Variants in SLC35A3 observed in about 807,000 individuals in gnomAD.
SLC35A3 encodes UDP-N-acetylglucosamine transporter.
A neutral mutation model predicts 39.0 loss-of-function variants in SLC35A3; 26 were observed. That is an observed-to-expected ratio of 0.67 (90% CI 0.49 to 0.92). The LOEUF (loss-of-function observed/expected upper bound fraction) is 0.92, where lower values mean the gene tolerates loss of function less well. Ranked by LOEUF, SLC35A3 falls within the 40% of genes least tolerant of loss-of-function variation. SLC35A3 has a pLI of 0.00. For missense variants in SLC35A3, 299 were observed against 371.6 expected (o/e 0.80, Z 1.61); for synonymous variants, 135 against 133.1 (o/e 1.01, Z -0.10).
chr1:99,993,441 G>A (rs1474960862), intron 1 of SLC35A3, 96 bp from the exon 2 acceptor site: 1 of 932,860 alleles, frequency 1.1e-6, no homozygotes, highest in Non-Finnish European at 1.6e-6. Context: ...GGAGAGACCT[G>A]CAGGCCCTCT....
At chr1:99,979,921 A>G (rs140461009) in intron 1 of SLC35A3, among the ~76,000 whole-genome samples, 1,551 of 151,806 alleles carry the variant, frequency 0.01, 32 homozygotes, top group African/African-American at 0.036. Context: ...GTGCAAGCCT[A>G]TAATCCCAGC....
In SLC35A3 at chr1:99,984,699, A is replaced by G. The variant is rs547589893; in HGVS notation, c.-18-8838A>G. On this transcript the variant is annotated intron_variant, in intron 1 of 7. Transcript: ENST00000533028. ...AGTTATACTAGTTTACATTCCAGCC[A>G]GCAGTGTAAAAGTGTTCCCTTTTCA... Among the ~76,000 whole-genome samples, 107 of 152,380 alleles carry G rather than the reference A, an allele frequency of 7.0e-4. 1 individual carries two copies. In the South Asian group the frequency reaches 8.3e-3, roughly 12 times the overall value.
In SLC35A3 at chr1:100,029,860, T is replaced by A. The variant is rs75846088; in HGVS notation, c.*7384T>A. ...ATTGTGTTAAGAACATATATATATA[T>A]ATAGAGAGAGAGAGAGCATAGTATT... On this transcript the variant is annotated 3_prime_UTR_variant, in exon 8 of 8. Coordinates refer to ENST00000533028, the MANE Select transcript of SLC35A3 (RefSeq NM_012243.3). 3.9e-5 allele frequency: 6 copies of A among 151,920 alleles called. No individual in the cohort carries two copies. The highest frequency in any genetic ancestry group is 7.4e-5 in the Non-Finnish European group (5 of 67,972). The allele number at this position is 151,920 out of a possible 1,614,324, so 9.4% of individuals were successfully genotyped here.
At chr1:99,987,213 G>A (rs756924377) in intron 1 of SLC35A3, among the ~76,000 whole-genome samples, 14 of 152,212 alleles carry the variant, frequency 9.2e-5, no homozygotes, top group South Asian at 2.1e-4. Flanking sequence ...CACTATTTTC[G>A]TCATTTTAAA....
rs935365167 is a variant in SLC35A3, at chr1:100,025,420, C to T, written c.*2944C>T. The T allele has an allele frequency of 5.3e-5, 8 of 151,918 alleles. No homozygotes were observed. The highest frequency in any genetic ancestry group is 1.9e-4 in the East Asian group (1 of 5,172). 9.4% of individuals were successfully genotyped at this position (151,918 alleles called of 1,614,324 possible). On this transcript the variant is annotated 3_prime_UTR_variant, in exon 8 of 8. Coordinates refer to ENST00000533028, the MANE Select transcript of SLC35A3 (RefSeq NM_012243.3). ...ACAATGGTAACACATTTTTAGGTGTCGAAACACAATTTTCAAAATTCCTAA... is the reference window on the plus strand; with the variant it reads ...ACAATGGTAACACATTTTTAGGTGTTGAAACACAATTTTCAAAATTCCTAA...
chr1:100,033,579 G>C lies in SLC35A3; in HGVS notation c.*11103G>C, dbSNP rs1159431165. On this transcript the variant is annotated 3_prime_UTR_variant, in exon 8 of 8. Coordinates refer to ENST00000533028, the MANE Select transcript of SLC35A3 (RefSeq NM_012243.3). ...TTTGGATGTTTAGAAAGGTTTGTATGCTCTAATTTATACTGATAACATTTT... is the reference window on the plus strand; with the variant it reads ...TTTGGATGTTTAGAAAGGTTTGTATCCTCTAATTTATACTGATAACATTTT... 3 of 151,924 alleles carry C rather than the reference G, an allele frequency of 2.0e-5. No individual in the cohort carries two copies. Among genetic ancestry groups the C allele is most frequent in the Non-Finnish European group, 4.4e-5 (3 of 68,016 alleles). The allele number at this position is 151,924 out of a possible 1,614,324, so 9.4% of individuals were successfully genotyped here. A position where few individuals can be genotyped will look rare whatever the true frequency, so the allele number is the denominator to read the frequency against.
intron 3 of SLC35A3, chr1:100,000,887 A>G (rs1157943928): frequency 6.6e-6 from 1 of 151,016 alleles, no homozygotes; most frequent in Non-Finnish European, 1.5e-5. Context: ...TTTTTTTTAT[A>G]TGGTGAGAGA....
In SLC35A3 at chr1:100,024,082, T is replaced by G. The variant is rs1660730506; in HGVS notation, c.*1606T>G. The G allele has an allele frequency of 6.6e-6, 1 of 152,118 alleles. No homozygotes were observed. The highest frequency in any genetic ancestry group is 1.5e-5 in the Non-Finnish European group (1 of 68,016). The allele number at this position is 152,118 out of a possible 1,614,324, so 9.4% of individuals were successfully genotyped here. ...TAAAATAGTGGGTTTTTTTCCTTTT[T>G]AATGAACACTGGAGCTGAGGATGCA... is the stretch of plus-strand genomic sequence containing the variant. On this transcript the variant is annotated 3_prime_UTR_variant, in exon 8 of 8. Transcript: ENST00000533028.
At chr1:99,971,952 CAAT>C (rs1656838362) in intron 1 of SLC35A3, among the ~76,000 whole-genome samples, 2 of 151,948 alleles carry the variant, frequency 1.3e-5, no homozygotes, top group Admixed American at 1.3e-4. Flanking sequence ...GGCTGGAGTT[CAAT>C]GTTGCGATCT....
intron 3 of SLC35A3, among the ~76,000 whole-genome samples, chr1:100,001,823 T>C (rs1473971196): frequency 2.6e-5 from 4 of 152,192 alleles, no homozygotes; most frequent in African/African-American, 9.6e-5. Flanking sequence ...ATTTTAAATT[T>C]TATCAAATGC....
chr1:99,976,495 T>C (rs1194128602), intron 1 of SLC35A3, among the ~76,000 whole-genome samples: 1 of 152,236 alleles, frequency 6.6e-6, no homozygotes, highest in Non-Finnish European at 1.5e-5. Context: ...TAAATTGTTC[T>C]GTAAAGGCAC....
chr1:99,978,576 T>C (rs1412848027), intron 1 of SLC35A3, among the ~76,000 whole-genome samples: 1 of 152,014 alleles, frequency 6.6e-6, no homozygotes, highest in African/African-American at 2.4e-5. Flanking sequence ...ATAAAACAAA[T>C]TGATGTTTTC....
At chr1:100,021,168 G>A (rs576193078) in intron 7 of SLC35A3, among the ~76,000 whole-genome samples, 1 of 152,046 alleles carries the variant, frequency 6.6e-6, no homozygotes, top group East Asian at 1.9e-4. Flanking sequence ...TTTGAGACCA[G>A]CCTGGCCAAC....
intron 1 of SLC35A3, among the ~76,000 whole-genome samples, chr1:99,991,267 C>A (rs1570584749): frequency 6.6e-6 from 1 of 152,276 alleles, no homozygotes; most frequent in East Asian, 1.9e-4. Context: ...GCCTCAGCTT[C>A]CTGAGTAGCT....
chr1:99,989,812 C>T (rs140041337), intron 1 of SLC35A3, among the ~76,000 whole-genome samples: 2,039 of 152,230 alleles, frequency 0.013, 18 homozygotes, highest in Middle Eastern at 0.058. Flanking sequence ...GTCACCCAGG[C>T]TGGAGTGTGG....
Position 100,025,421 on chromosome 1 carries a change from G to A in SLC35A3, c.*2945G>A, listed in dbSNP as rs942159098. 2.0e-5 allele frequency: 3 copies of A among 152,072 alleles called. No homozygotes were observed. Among genetic ancestry groups the A allele is most frequent in the African/African-American group, 7.2e-5 (3 of 41,420 alleles). 9.4% of individuals were successfully genotyped at this position (152,072 alleles called of 1,614,324 possible). ...CAATGGTAACACATTTTTAGGTGTCGAAACACAATTTTCAAAATTCCTAAT... is the reference window on the plus strand; with the variant it reads ...CAATGGTAACACATTTTTAGGTGTCAAAACACAATTTTCAAAATTCCTAAT... On this transcript the variant is annotated 3_prime_UTR_variant, in exon 8 of 8. Transcript: ENST00000533028.
At chr1:99,971,784 C>T (rs1276343266) in intron 1 of SLC35A3, among the ~76,000 whole-genome samples, 1 of 152,156 alleles carries the variant, frequency 6.6e-6, no homozygotes, top group African/African-American at 2.4e-5. Context: ...ACAAGGAAGG[C>T]CTTCCTTGCT....
Position 100,013,121 on chromosome 1 carries a change from A to G in SLC35A3, c.634+1588A>G, listed in dbSNP as rs996833707. Among the ~76,000 whole-genome samples, 3 of 152,174 alleles carry G rather than the reference A, an allele frequency of 2.0e-5. No homozygotes were observed. In the East Asian group the frequency reaches 5.8e-4, roughly 29 times the overall value. ...CTGTTAGAATGCAGTAGTTCTGTTC[A>G]TACTGACATGTATATATCCTTCTAT... is the stretch of plus-strand genomic sequence containing the variant. On this transcript the variant is annotated intron_variant, in intron 5 of 7. Transcript: ENST00000533028.
At chr1:99,983,553 C>T (rs1461940064) in intron 1 of SLC35A3, among the ~76,000 whole-genome samples, 2 of 150,834 alleles carry the variant, frequency 1.3e-5, no homozygotes, top group Non-Finnish European at 3.0e-5. Flanking sequence ...CAAAACAAAA[C>T]AAAACAAAAC....
Sources: gnomAD v4.1 joint callset for allele counts (sites outside exome capture counted in the v4.1 genomes callset) on GRCh38, gnomAD v4.1.1 for gene constraint, MANE v1.5 for transcripts, NCBI Gene and HGNC (gene_info 2026-07-23, HGNC 2026-07-21) for gene names.